FAM193A: variants seen among roughly 807,000 people sequenced by gnomAD.
FAM193A encodes family with sequence similarity 193 member A.
FAM193A carries 22 observed loss-of-function variants against 126.5 expected under a neutral mutation model. The ratio of observed to expected loss-of-function variants is 0.17; its 90% CI spans 0.12 to 0.25. The LOEUF is 0.25. Among genes scored for constraint, FAM193A ranks in the 10% least tolerant of loss-of-function variants. The pLI is 1.00. For synonymous variants in FAM193A, 761 were observed against 646.8 expected, an observed-to-expected ratio of 1.18 and a Z score of -2.68; for missense variants, 1,675 against 1,672.8, an observed-to-expected ratio of 1.00 and a Z score of -0.02.
At chr4:2,551,906 TCATAGCTCACTG>T (rs1426014832) in intron 1 of FAM193A, among the ~76,000 whole-genome samples, 8 of 151,968 alleles carry the variant, frequency 5.3e-5, no homozygotes, top group Non-Finnish European at 4.4e-5. Flanking sequence ...TGTGGCTTGA[TCATAGCTCACTG>T]TAACCTTGAA....
At chr4:2,682,395 C>T (rs553075316) in intron 13 of FAM193A, among the ~76,000 whole-genome samples, 16 of 152,210 alleles carry the variant, frequency 1.1e-4, no homozygotes, top group African/African-American at 3.6e-4. Context: ...AACTCCTAGC[C>T]TCAAGCAGTC....
chr4:2,552,149 C>G (rs941357384), intron 1 of FAM193A, among the ~76,000 whole-genome samples: 3 of 151,554 alleles, frequency 2.0e-5, no homozygotes, highest in South Asian at 2.1e-4. Flanking sequence ...GTAGCTGGGA[C>G]TACAGGTGCC....
chr4:2,571,537 A>G (rs991247609), intron 1 of FAM193A, among the ~76,000 whole-genome samples: 1 of 151,942 alleles, frequency 6.6e-6, no homozygotes, highest in Non-Finnish European at 1.5e-5. Context: ...GTGAAATTCT[A>G]GAGCAGAACT....
At chr4:2,729,038 A>C (rs1157030507) in intron 20 of FAM193A, among the ~76,000 whole-genome samples, 1 of 151,344 alleles carries the variant, frequency 6.6e-6, no homozygotes, top group Non-Finnish European at 1.5e-5. Context: ...GGCCTCCTCC[A>C]TCCACCAGGG....
intron 20 of FAM193A, among the ~76,000 whole-genome samples, chr4:2,724,751 A>G (rs991270024): frequency 3.3e-5 from 5 of 152,216 alleles, no homozygotes; most frequent in African/African-American, 4.8e-5. Flanking sequence ...TTTCCAGTCA[A>G]TGAAGCTTTA....
At chr4:2,554,177 C>A (rs553423228) in intron 1 of FAM193A, among the ~76,000 whole-genome samples, 1 of 152,190 alleles carries the variant, frequency 6.6e-6, no homozygotes, top group African/African-American at 2.4e-5. Flanking sequence ...CTCTGCCTCC[C>A]GGGTTCAAGT....
chr4:2,709,583 C>T (rs1423194887), intron 19 of FAM193A, among the ~76,000 whole-genome samples: 1 of 152,140 alleles, frequency 6.6e-6, no homozygotes, highest in Non-Finnish European at 1.5e-5. Flanking sequence ...GTAACACGCA[C>T]CTGTAATCTC....
chr4:2,687,728 A>G (rs1293201374), intron 13 of FAM193A, among the ~76,000 whole-genome samples: 2 of 152,160 alleles, frequency 1.3e-5, no homozygotes, highest in African/African-American at 4.8e-5. Context: ...CATCCACAGC[A>G]TTGCCACAAA....
At chr4:2,638,586 T>G (rs1190013721) in intron 5 of FAM193A, among the ~76,000 whole-genome samples, 1 of 152,216 alleles carries the variant, frequency 6.6e-6, no homozygotes, top group African/African-American at 2.4e-5. Flanking sequence ...TGGCATAGAT[T>G]CATTGCTGAA....
intron 13 of FAM193A, among the ~76,000 whole-genome samples, chr4:2,682,374 A>C (rs1715255312): frequency 1.3e-5 from 2 of 152,026 alleles, no homozygotes; most frequent in Non-Finnish European, 2.9e-5. Context: ...ATGTTACCCA[A>C]GCTGAACTTG....
chr4:2,590,292 A>G (rs1400755811), intron 1 of FAM193A, among the ~76,000 whole-genome samples: 1 of 151,358 alleles, frequency 6.6e-6, no homozygotes, highest in Non-Finnish European at 1.5e-5. Context: ...CAACGTGGTG[A>G]AACCCCGTCT....
chr4:2,579,549 A>G (rs2108875415), intron 1 of FAM193A, among the ~76,000 whole-genome samples: 1 of 152,142 alleles, frequency 6.6e-6, no homozygotes, highest in East Asian at 1.9e-4. Context: ...AATAAAAAAT[A>G]TTAGCCAGAC....
At chr4:2,651,656 G>C (rs954480338) in intron 7 of FAM193A, among the ~76,000 whole-genome samples, 2 of 152,154 alleles carry the variant, frequency 1.3e-5, no homozygotes, top group Admixed American at 1.3e-4. Context: ...CATGAGATTT[G>C]GGTGGGGACA....
At chr4:2,727,613 C>T (rs1720899686) in intron 20 of FAM193A, among the ~76,000 whole-genome samples, 1 of 152,200 alleles carries the variant, frequency 6.6e-6, no homozygotes, top group Non-Finnish European at 1.5e-5. Flanking sequence ...TTGGGATACC[C>T]ATTTGTCATC....
intron 2 of FAM193A, among the ~76,000 whole-genome samples, chr4:2,610,949 C>T (rs377288620): frequency 9.9e-5 from 15 of 152,252 alleles, no homozygotes; most frequent in South Asian, 2.1e-4. Context: ...GTTGGTCAGG[C>T]TGGTCTCAAA....
chr4:2,564,751 A>G (rs1358691792), intron 1 of FAM193A, among the ~76,000 whole-genome samples: 3 of 152,134 alleles, frequency 2.0e-5, no homozygotes, highest in African/African-American at 7.2e-5. Flanking sequence ...GTTAGAATAA[A>G]TGATGGTGTG....
intron 1 of FAM193A, among the ~76,000 whole-genome samples, chr4:2,550,025 C>CTTTTTT (rs35806343): frequency 7.6e-6 from 1 of 132,168 alleles, no homozygotes; most frequent in Non-Finnish European, 1.6e-5. Flanking sequence ...CCGCACCTGG[C>CTTTTTT]TTTTTTTTTT....
chr4:2,706,250 T>G (rs1718285466), intron 19 of FAM193A, among the ~76,000 whole-genome samples: 2 of 151,744 alleles, frequency 1.3e-5, no homozygotes, highest in Non-Finnish European at 2.9e-5. Flanking sequence ...GTCCCAGTGA[T>G]TCAAGATGCC....
At chr4:2,713,721 C>T (rs986526878) in intron 19 of FAM193A, among the ~76,000 whole-genome samples, 7 of 152,196 alleles carry the variant, frequency 4.6e-5, no homozygotes, top group Non-Finnish European at 8.8e-5. Context: ...ACAGGGCTCC[C>T]GCTTGCCTCT....
Sources: allele counts gnomAD v4.1 joint callset (sites outside exome capture counted in the v4.1 genomes callset), GRCh38; gene constraint gnomAD v4.1.1; transcripts MANE v1.5; gene names NCBI Gene and HGNC (gene_info 2026-07-23, HGNC 2026-07-21).